C2CD4D: variants seen among roughly 807,000 people sequenced by gnomAD.
C2CD4D encodes the protein C2 calcium dependent domain containing 4D, also known as C2 calcium-dependent domain-containing protein 4D.
C2CD4D carries 1 observed loss-of-function variant against 0.2 expected under a neutral mutation model. The observed-to-expected ratio is 4.00, with a 90% CI of 1.42 to 18.99. C2CD4D has a LOEUF of 18.99. Among genes scored for constraint, C2CD4D ranks in the 30% most tolerant of loss-of-function variants. The pLI is 0.11. For synonymous variants in C2CD4D, 269 were observed against 279.8 expected, an observed-to-expected ratio of 0.96 and a Z score of 0.39; for missense variants, 552 against 551.2, an observed-to-expected ratio of 1.00 and a Z score of -0.01.
rs1465734637 is a variant in C2CD4D, at chr1:151,839,839, G to A, written c.-232+364C>T. Among the ~76,000 whole-genome samples, 1 of 152,200 alleles carries A rather than the reference G, an allele frequency of 6.6e-6. No homozygotes were observed. Among genetic ancestry groups the A allele is most frequent in the Non-Finnish European group, 1.5e-5 (1 of 68,026 alleles). Reference sequence around the variant, plus strand: ...CGCGTCTGCAGGGCGGGGCCGGGCCGTTGGGTCGCCCCTCCTACTCTCCAC... The same window carrying A: ...CGCGTCTGCAGGGCGGGGCCGGGCCATTGGGTCGCCCCTCCTACTCTCCAC... On this transcript the variant is annotated intron_variant, in intron 1 of 1. Coordinates refer to ENST00000454109, the Ensembl canonical transcript of C2CD4D.
exon 2 of C2CD4D, chr1:151,838,159 C>T (rs1652634182): frequency 1.9e-6 from 3 of 1,551,150 alleles, no homozygotes; most frequent in Non-Finnish European, 2.6e-6. Flanking sequence ...TGCACTTGAC[C>T]ACGCGGCTCT....
At chr1:151,838,654 A>G (rs2101688219) in exon 2 of C2CD4D, 2 of 1,355,326 alleles carry the variant, frequency 1.5e-6, no homozygotes, top group Non-Finnish European at 1.9e-6. Context: ...CGGCCGGGGC[A>G]GGTGGCGGCC....
exon 1 of C2CD4D, chr1:151,840,326 C>G (rs549194613): frequency 1.3e-5 from 2 of 152,530 alleles, no homozygotes; most frequent in East Asian, 3.9e-4. Flanking sequence ...TCTGCTGAAG[C>G]TGGGCTGCTT....
exon 2 of C2CD4D, chr1:151,838,398 C>T: frequency 6.9e-7 from 1 of 1,440,548 alleles, no homozygotes. Context: ...CACAGGAAGT[C>T]CAGGTGGAAG....
Position 151,839,224 on chromosome 1 carries a change from G to C in C2CD4D, c.-231-4C>G. Reference sequence around the variant, plus strand: ...AAGGGCGGCGCAGTCTGGGGGGCTGGGGAGAAATGGAGGGAGCAAAGGGCC... The same window carrying C: ...AAGGGCGGCGCAGTCTGGGGGGCTGCGGAGAAATGGAGGGAGCAAAGGGCC... On this transcript the variant is annotated splice_region_variant and splice_polypyrimidine_tract_variant and intron_variant, in intron 1 of 1. Transcript: ENST00000454109. 1 of 542,700 alleles carries C rather than the reference G, an allele frequency of 1.8e-6. No individual in the cohort carries two copies. The highest frequency in any genetic ancestry group is 3.3e-6 in the Non-Finnish European group (1 of 307,258). 33.6% of individuals were successfully genotyped at this position (542,700 alleles called of 1,614,324 possible).
exon 2 of C2CD4D, chr1:151,838,291 C>A (rs963355163): frequency 7.5e-7 from 1 of 1,327,698 alleles, no homozygotes; most frequent in Admixed American, 3.8e-5. Flanking sequence ...GCAGCCGCAG[C>A]CGCCCGGGCC....
exon 2 of C2CD4D, chr1:151,838,615 C>T: frequency 7.6e-7 from 1 of 1,315,104 alleles, no homozygotes; most frequent in Non-Finnish European, 9.6e-7. Flanking sequence ...CGGAGACGTG[C>T]AGCCGGGACT....
chr1:151,838,540 G>C (rs1401766521), exon 2 of C2CD4D: 1 of 1,332,426 alleles, frequency 7.5e-7, no homozygotes, highest in Non-Finnish European at 9.6e-7. Flanking sequence ...GGGAGCCGAA[G>C]GGCGACGAGT....
chr1:151,838,054 C>G, exon 2 of C2CD4D: 1 of 1,551,518 alleles, frequency 6.4e-7, no homozygotes, highest in Non-Finnish European at 8.7e-7. Flanking sequence ...GTCCCGCGCC[C>G]CTGTCTAGCA....
chr1:151,839,111 T>A, exon 2 of C2CD4D: 1 of 1,158,914 alleles, frequency 8.6e-7, no homozygotes, highest in Non-Finnish European at 1.2e-6. Flanking sequence ...CAGAGGTGAG[T>A]GATGCTGGCG....
chr1:151,838,605 C>T (rs1652660784), exon 2 of C2CD4D: 9 of 1,314,228 alleles, frequency 6.8e-6, no homozygotes, highest in Non-Finnish European at 8.7e-6. Context: ...AGGTCCGGGG[C>T]GGAGACGTGC....
chr1:151,837,946 G>A, exon 2 of C2CD4D: 3 of 1,539,374 alleles, frequency 1.9e-6, no homozygotes, highest in Non-Finnish European at 2.6e-6. Context: ...TGAGATGGGT[G>A]GGCGCCAGGG....
exon 2 of C2CD4D, chr1:151,838,278 G>A: frequency 7.6e-7 from 1 of 1,317,758 alleles, no homozygotes; most frequent in Non-Finnish European, 9.7e-7. Context: ...GCGCTCACTA[G>A]GCGCAGCCGC....
At chr1:151,838,367 C>T in exon 2 of C2CD4D, 1 of 1,432,184 alleles carries the variant, frequency 7.0e-7, no homozygotes, top group Non-Finnish European at 9.2e-7. Context: ...CACGCTCTCG[C>T]GCGTGGGCCG....
exon 2 of C2CD4D, chr1:151,838,441 C>A: frequency 7.1e-7 from 1 of 1,413,618 alleles, no homozygotes; most frequent in Non-Finnish European, 9.2e-7. Context: ...CGCGGCGCGG[C>A]GAGTGCGGGC....
At chr1:151,838,100 G>A (rs1210726270) in exon 2 of C2CD4D, 4 of 1,551,310 alleles carry the variant, frequency 2.6e-6, no homozygotes, top group Non-Finnish European at 2.6e-6. Flanking sequence ...CAGGTCCGGG[G>A]GGCCGAGCCC....
rs138458891 is a variant in C2CD4D, at chr1:151,839,935, C to T, written c.-232+268G>A. Among the ~76,000 whole-genome samples, 335 of 152,324 alleles carry T rather than the reference C, an allele frequency of 2.2e-3. 2 individuals carry two copies. Among genetic ancestry groups the T allele is most frequent in the African/African-American group, 6.7e-3 (279 of 41,582 alleles). ...TCTCCGCCACCCTCAGAGCGGTCTCCGGAAGGCTCCGCCACCACGCGCTCG... is the reference window on the plus strand; with the variant it reads ...TCTCCGCCACCCTCAGAGCGGTCTCTGGAAGGCTCCGCCACCACGCGCTCG... On this transcript the variant is annotated intron_variant, in intron 1 of 1. Coordinates refer to ENST00000454109, the Ensembl canonical transcript of C2CD4D.
chr1:151,838,347 C>A, exon 2 of C2CD4D: 1 of 1,422,312 alleles, frequency 7.0e-7, no homozygotes, highest in Admixed American at 2.9e-5. Context: ...CCGCGGGGCC[C>A]CAGGCGCAGC....
chr1:151,838,499 G>A, exon 2 of C2CD4D: 1 of 1,381,372 alleles, frequency 7.2e-7, no homozygotes, highest in East Asian at 3.1e-5. Flanking sequence ...GTGAGGCCTG[G>A]ACACCCGGCG....
Sources: allele counts gnomAD v4.1 joint callset (sites outside exome capture counted in the v4.1 genomes callset), GRCh38; gene constraint gnomAD v4.1.1; transcripts MANE v1.5; gene names NCBI Gene and HGNC (gene_info 2026-07-23, HGNC 2026-07-21).